Variants in TAB2 observed in about 807,000 individuals in gnomAD.
TAB2 encodes the protein TGF-beta activated kinase 1 (MAP3K7) binding protein 2, also known as TGF-beta-activated kinase 1 and MAP3K7-binding protein 2.
TAB2 carries 3 observed loss-of-function variants against 65.0 expected under a neutral mutation model. That is an observed-to-expected ratio of 0.05 (90% CI 0.02 to 0.12). The LOEUF (loss-of-function observed/expected upper bound fraction) is 0.12, where lower values mean the gene tolerates loss of function less well. TAB2 is among the 10% of genes least tolerant of loss of function. TAB2 has a pLI of 1.00. For missense variants in TAB2, 623 were observed against 840.3 expected, an observed-to-expected ratio of 0.74 and a Z score of 3.20; for synonymous variants, 298 against 285.1, an observed-to-expected ratio of 1.05 and a Z score of -0.46.
chr6:149,273,920 G>C (rs1055054544), intron 1 of TAB2, among the ~76,000 whole-genome samples: 1 of 152,228 alleles, frequency 6.6e-6, no homozygotes, highest in African/African-American at 2.4e-5. Context: ...GAAGTGACTA[G>C]AAAGGATCAG....
At chr6:149,271,208 TA>T (rs1778356503) in intron 1 of TAB2, among the ~76,000 whole-genome samples, 1 of 151,960 alleles carries the variant, frequency 6.6e-6, no homozygotes, top group Non-Finnish European at 1.5e-5. Context: ...ACCTTATCTC[TA>T]AAAAATATAT....
intron 3 of TAB2, among the ~76,000 whole-genome samples, chr6:149,382,848 TAAC>T (rs1226729609): frequency 1.3e-5 from 2 of 151,642 alleles, no homozygotes; most frequent in Non-Finnish European, 2.9e-5. Context: ...AGTAAATAGA[TAAC>T]AACAAGTAGA....
chr6:149,339,005 CTG>C (rs1780018131), intron 1 of TAB2, among the ~76,000 whole-genome samples: 1 of 152,222 alleles, frequency 6.6e-6, no homozygotes, highest in Non-Finnish European at 1.5e-5. Flanking sequence ...CGTGCTGTTT[CTG>C]TCTTTTGGAC....
chr6:149,231,614 C>T (rs1777408174), intron 1 of TAB2, among the ~76,000 whole-genome samples: 2 of 152,248 alleles, frequency 1.3e-5, no homozygotes, highest in Middle Eastern at 3.4e-3. Flanking sequence ...TGCATATGTA[C>T]ATATGTAGAT....
intron 1 of TAB2, among the ~76,000 whole-genome samples, chr6:149,365,091 G>A (rs1392144547): frequency 6.6e-6 from 1 of 152,060 alleles, no homozygotes; most frequent in East Asian, 1.9e-4. Flanking sequence ...ATTTTAGCTG[G>A]TGGAAGTTTA....
intron 1 of TAB2, among the ~76,000 whole-genome samples, chr6:149,301,051 T>C (rs1583072708): frequency 6.6e-6 from 1 of 152,216 alleles, no homozygotes; most frequent in Admixed American, 6.5e-5. Flanking sequence ...GCCATCTTCC[T>C]TCTCACACTT....
At chr6:149,290,699 G>A (rs1252825514) in intron 1 of TAB2, among the ~76,000 whole-genome samples, 2 of 152,114 alleles carry the variant, frequency 1.3e-5, no homozygotes, top group African/African-American at 2.4e-5. Flanking sequence ...CAAAAAAATA[G>A]CCAGGTGGGG....
At chr6:149,384,176 T>C (rs1164077841) in intron 3 of TAB2, among the ~76,000 whole-genome samples, 2 of 152,218 alleles carry the variant, frequency 1.3e-5, no homozygotes, top group African/African-American at 2.4e-5. Flanking sequence ...AGCCAGGCAC[T>C]AGAATCATAG....
At chr6:149,271,683 T>C (rs1005057229) in intron 1 of TAB2, among the ~76,000 whole-genome samples, 1 of 152,132 alleles carries the variant, frequency 6.6e-6, no homozygotes, top group Non-Finnish European at 1.5e-5. Context: ...TCATGTGCTC[T>C]GCTTAAAACC....
In TAB2 at chr6:149,317,816, G is replaced by T; in HGVS notation, c.-289G>T. The T allele has an allele frequency of 6.1e-6, 1 of 164,898 alleles. No homozygotes were observed. The highest frequency in any genetic ancestry group is 1.3e-5 in the Non-Finnish European group (1 of 76,438). The allele number at this position is 164,898 out of a possible 1,614,324, so 10.2% of individuals were successfully genotyped here. ...CGGCGGCGGCGGCCGGAGGGAGTTG[G>T]CGGCGGCGGGCGAGCGGAGGGGGCT... is the stretch of plus-strand genomic sequence containing the variant. On this transcript the variant is annotated 5_prime_UTR_variant, in exon 1 of 7. Coordinates refer to ENST00000637181, the MANE Select transcript of TAB2 (RefSeq NM_001292034.3). This position sits in a 1 kb window ranked among gnomAD's most constrained non-coding sequence, Gnocchi z 4.7.
In TAB2 at chr6:149,378,681, T is replaced by C. The variant is rs776226341; in HGVS notation, c.766T>C (p.Trp256Arg). 3.7e-6 allele frequency: 6 copies of C among 1,613,882 alleles called. No individual in the cohort carries two copies. In the South Asian group the frequency reaches 5.5e-5, roughly 15 times the overall value. Reference sequence around the variant, plus strand: ...TTATCAGCCTTCACAGCCTGGTCCCTGGACTACTTGTCCTGCATCTAATCC... The same window carrying C: ...TTATCAGCCTTCACAGCCTGGTCCCCGGACTACTTGTCCTGCATCTAATCC... ...QVYQPSQPGP[W>R]TTCPASNPLS... The change falls in exon 3 of 7, where the codon TGG becomes CGG. Residue 256 changes from tryptophan (W) to arginine (R), a missense_variant. Trp to Arg is a moderately radical substitution (Grantham distance 101). This residue lies in a region of TAB2 where 550 missense variants were observed against 665.7 expected (regional missense o/e 0.83). Coordinates refer to ENST00000637181, the MANE Select transcript of TAB2 (RefSeq NM_001292034.3).
intron 1 of TAB2, among the ~76,000 whole-genome samples, chr6:149,283,278 C>T (rs1778607778): frequency 2.0e-5 from 3 of 152,118 alleles, no homozygotes; most frequent in Non-Finnish European, 2.9e-5. Context: ...AAAAGGAACA[C>T]AAATACATTG....
intron 1 of TAB2, among the ~76,000 whole-genome samples, chr6:149,272,796 A>G (rs1316535091): frequency 1.3e-5 from 2 of 152,320 alleles, no homozygotes; most frequent in East Asian, 3.9e-4. Context: ...TGACATCAGG[A>G]AAGTTGGTCA....
intron 1 of TAB2, among the ~76,000 whole-genome samples, chr6:149,264,076 G>A (rs569540435): frequency 6.6e-6 from 1 of 152,342 alleles, no homozygotes; most frequent in African/African-American, 2.4e-5. Context: ...CAGGCAGGCC[G>A]CTGTAGGTTG....
intron 1 of TAB2, among the ~76,000 whole-genome samples, chr6:149,242,007 C>T (rs556702548): frequency 6.6e-5 from 10 of 152,300 alleles, no homozygotes; most frequent in African/African-American, 2.4e-4. Flanking sequence ...TTTCCTCCCT[C>T]ATTCTCCCCA....
Position 149,386,165 on chromosome 6 carries a change from A to C in TAB2, c.1603+6647A>C, listed in dbSNP as rs1781801513. 3.3e-5 allele frequency among the ~76,000 whole-genome samples: 5 copies of C among 152,208 alleles called. No homozygotes were observed. In the South Asian group the frequency reaches 8.3e-4, roughly 25 times the overall value. ...GTCTGTGAACACACGGGATTATATA[A>C]TATGCACATACTCTACAATATGTCT... On this transcript the variant is annotated intron_variant, in intron 3 of 6. Transcript: ENST00000637181.
chr6:149,372,069 T>C (rs1278090233), intron 2 of TAB2, among the ~76,000 whole-genome samples: 1 of 152,198 alleles, frequency 6.6e-6, no homozygotes, highest in Non-Finnish European at 1.5e-5. Context: ...AGACTTCGTA[T>C]TGAAAGAACT....
intron 1 of TAB2, among the ~76,000 whole-genome samples, chr6:149,297,731 C>G (rs954876917): frequency 6.6e-6 from 1 of 152,090 alleles, no homozygotes; most frequent in Non-Finnish European, 1.5e-5. Flanking sequence ...CAGGGTCTCA[C>G]TATGTTGCCC....
intron 2 of TAB2, among the ~76,000 whole-genome samples, chr6:149,376,330 TA>T (rs1357124477): frequency 2.0e-5 from 3 of 152,216 alleles, no homozygotes; most frequent in Non-Finnish European, 2.9e-5. Flanking sequence ...CCTCATTGCT[TA>T]TAATACAGTC....
Sources: allele counts gnomAD v4.1 joint callset (sites outside exome capture counted in the v4.1 genomes callset), GRCh38; gene constraint gnomAD v4.1.1; regional missense constraint gnomAD v4.1.1; non-coding constraint Gnocchi (gnomAD v3.1); transcripts MANE v1.5; gene names NCBI Gene and HGNC (gene_info 2026-07-23, HGNC 2026-07-21).